The following ANKRD50 variants were observed in gnomAD, a reference collection of about 807,000 sequenced individuals.
The protein encoded by ANKRD50 is ankyrin repeat domain 50, also known as ankyrin repeat domain-containing protein 50.
Under a neutral mutation model 112.0 loss-of-function variants are expected in ANKRD50, and 40 were observed. The ratio of observed to expected loss-of-function variants is 0.36; its 90% CI spans 0.28 to 0.46. ANKRD50 has a LOEUF of 0.46. ANKRD50 is among the 20% of genes least tolerant of loss of function. The pLI, the probability that ANKRD50 is intolerant of heterozygous loss-of-function variation, is 1.00. For missense variants in ANKRD50, 1,487 were observed against 1,701.7 expected (o/e 0.87, Z 2.22); for synonymous variants, 613 against 619.1 (o/e 0.99, Z 0.15).
chr4:124,708,222 T>A (rs1725548500), intron 2 of ANKRD50, among the ~76,000 whole-genome samples: 1 of 152,166 alleles, frequency 6.6e-6, no homozygotes. Flanking sequence ...TATAGTTTTA[T>A]ATTAAAGACT....
At position 124,669,495 on chromosome 4, in the gene ANKRD50, C is replaced by T. The variant is rs1455450383; in HGVS notation, c.3782G>A (p.Ser1261Asn). The T allele has an allele frequency of 4.3e-6, 7 of 1,612,824 alleles. No individual in the cohort carries two copies. The highest frequency in any genetic ancestry group is 5.9e-6 in the Non-Finnish European group (7 of 1,179,660). The change falls in exon 4 of 5, where the codon AGT becomes AAT. Residue 1261 changes from serine to asparagine, a missense_variant. Ser to Asn is a conservative substitution (Grantham distance 46). Coordinates refer to ENST00000504087, the MANE Select transcript of ANKRD50 (RefSeq NM_020337.3). ...TTTACTTGCTTTAGTTGACTTCAAA[C>T]TGGGCTTTACTTGACTCCACTCAAA... Reference protein sequence around the residue: ...SEFEWSQVKPSLKSTKASKGG... With the variant: ...SEFEWSQVKPNLKSTKASKGG...
chr4:124,671,126 A>T lies in ANKRD50; in HGVS notation c.2151T>A (p.Ala717=), dbSNP rs1273166878. 6.2e-7 allele frequency: 1 copy of T among 1,613,870 alleles called. No homozygotes were observed. Among genetic ancestry groups the T allele is most frequent in the Non-Finnish European group, 8.5e-7 (1 of 1,179,864 alleles). ...CTTTACTTGCAGGCACACAAAGTGC[A>T]GCTACAGAGAGTGCAGTCCTGCCAT... is the stretch of plus-strand genomic sequence containing the variant. ...DVDGRTALSV[A]ALCVPASKGH... The change falls in exon 4 of 5, where the codon GCT becomes GCA. Residue 717 remains alanine, a synonymous_variant. Transcript: ENST00000504087.
chr4:124,669,567 G>C lies in ANKRD50; in HGVS notation c.3710C>G (p.Ser1237Cys). 6.2e-7 allele frequency: 1 copy of C among 1,613,272 alleles called. No individual in the cohort carries two copies. Among genetic ancestry groups the C allele is most frequent in the East Asian group, 2.2e-5 (1 of 44,846 alleles). ...ACTCTGTCCTAAGGACTGTGTTGTG[G>C]AAGATGGGGAAACAATTGACTGTCG... is the stretch of plus-strand genomic sequence containing the variant. ...RSRQSIVSPS[S>C]TTQSLGQSHN... The change falls in exon 4 of 5, where the codon TCC becomes TGC. Residue 1237 changes from serine (S) to cysteine (C), a missense_variant. By Grantham distance (112) the Ser-to-Cys change is moderately radical. This residue lies in a region of ANKRD50 where 441 missense variants were observed against 432.2 expected (regional missense o/e 1.02). Coordinates refer to ENST00000504087, the MANE Select transcript of ANKRD50 (RefSeq NM_020337.3).
chr4:124,695,131 G>A (rs1725225091), intron 2 of ANKRD50, among the ~76,000 whole-genome samples: 1 of 151,986 alleles, frequency 6.6e-6, no homozygotes, highest in Non-Finnish European at 1.5e-5. Context: ...AAATGTAGTA[G>A]GTGGCAGCAG....
At chr4:124,712,336 T>C (rs1056751465) in intron 1 of ANKRD50, 122 bp downstream of exon 1, 1 of 152,712 alleles carries the variant, frequency 6.5e-6, no homozygotes, top group African/African-American at 2.4e-5. Flanking sequence ...AGAGGGCAAA[T>C]CTGGGGCTCG....
At chr4:124,668,731 A>G (rs1730554707) in intron 4 of ANKRD50, among the ~76,000 whole-genome samples, 1 of 152,102 alleles carries the variant, frequency 6.6e-6, no homozygotes. Context: ...AGTTCAGAGG[A>G]GAAAAATAAT....
chr4:124,685,157 T>G (rs1230412157), intron 2 of ANKRD50, among the ~76,000 whole-genome samples: 1 of 152,210 alleles, frequency 6.6e-6, no homozygotes, highest in African/African-American at 2.4e-5. Context: ...GTGAAGCTCC[T>G]GCACACCTCC....
In ANKRD50 at chr4:124,707,825, A is replaced by G. The variant is rs2110529991; in HGVS notation, c.512+2175T>C. The stretch of plus-strand genomic sequence containing the variant: ...CAATTAGCTAATAACTGAGAATCAC[A>G]CAGGAAAAAGAAAAAATAAAAGAAA... On this transcript the variant is annotated intron_variant, in intron 2 of 4. Coordinates refer to ENST00000504087, the MANE Select transcript of ANKRD50 (RefSeq NM_020337.3). Among the ~76,000 whole-genome samples the G allele has an allele frequency of 1.3e-5, 2 of 152,266 alleles. 1 individual carries two copies. The highest frequency in any genetic ancestry group is 4.8e-5 in the African/African-American group (2 of 41,560).
chr4:124,694,067 G>C (rs958847354), intron 2 of ANKRD50, among the ~76,000 whole-genome samples: 2 of 151,984 alleles, frequency 1.3e-5, no homozygotes, highest in Non-Finnish European at 2.9e-5. Context: ...CTTTTCTTAG[G>C]AGCAAAATTA....
Position 124,710,483 on chromosome 4 carries a change from C to G in ANKRD50, c.29G>C (p.Cys10Ser). 2 of 1,613,094 alleles carry G rather than the reference C, an allele frequency of 1.2e-6. No homozygotes were observed. Among genetic ancestry groups the G allele is most frequent in the Non-Finnish European group, 8.5e-7 (1 of 1,179,864 alleles). Residue 10 changes from cysteine (C) to serine (S), a missense_variant, in exon 2 of 5, where the codon TGC (cysteine) becomes TCC (serine). By Grantham distance (112) the Cys-to-Ser change is moderately radical. Transcript: ENST00000504087. MTNPWEEKV[C>S]KMAQTSLLQG... ...CAGTAAACTGGTTTGAGCCATTTTG[C>G]AGACTTTCTCTTCCCAAGGATTAGT...
intron 2 of ANKRD50, among the ~76,000 whole-genome samples, chr4:124,689,045 C>T (rs1725071767): frequency 1.3e-5 from 2 of 152,130 alleles, no homozygotes; most frequent in Non-Finnish European, 2.9e-5. Context: ...TCTATGTATA[C>T]ACTCCTATAA....
At chr4:124,711,316 T>C (rs990339229) in intron 1 of ANKRD50, 42 bp from the exon 2 acceptor site, 1 of 152,246 alleles carries the variant, frequency 6.6e-6, no homozygotes, top group Non-Finnish European at 1.5e-5. Flanking sequence ...CAAAATATCA[T>C]ATGTTAAAAA....
chr4:124,698,061 AG>A (rs1352950986), intron 2 of ANKRD50, among the ~76,000 whole-genome samples: 1 of 152,224 alleles, frequency 6.6e-6, no homozygotes, highest in African/African-American at 2.4e-5. Flanking sequence ...GTTGAGTAGT[AG>A]TTGAAGAATG....
At chr4:124,696,451 T>C (rs535244631) in intron 2 of ANKRD50, among the ~76,000 whole-genome samples, 1 of 152,254 alleles carries the variant, frequency 6.6e-6, no homozygotes, top group South Asian at 2.1e-4. Context: ...GGCACTATAC[T>C]ATCTGAAGAA....
intron 2 of ANKRD50, among the ~76,000 whole-genome samples, chr4:124,703,351 G>A (rs1443603966): frequency 6.6e-6 from 1 of 152,160 alleles, no homozygotes; most frequent in Non-Finnish European, 1.5e-5. Flanking sequence ...TGGGGAAGAG[G>A]AAGGGAAACT....
In ANKRD50 at chr4:124,672,374, T is replaced by C; in HGVS notation, c.903A>G (p.Gly301=). The change falls in exon 4 of 5, where the codon GGA becomes GGG. Residue 301 remains glycine (G), a synonymous_variant. Coordinates refer to ENST00000504087, the MANE Select transcript of ANKRD50 (RefSeq NM_020337.3). The stretch of plus-strand genomic sequence containing the variant: ...AAACTCGTTCTAGGTAAAGAAAGCA[T>C]CCACTGCTTTTAATGTGCAGTTGAT... ...MLNQLHIKSS[G]CFLYLERVLD... is the part of the protein sequence containing the mutation. 1 of 1,613,264 alleles carries C rather than the reference T, an allele frequency of 6.2e-7. No homozygotes were observed.
At chr4:124,690,697 C>T (rs1202068708) in intron 2 of ANKRD50, among the ~76,000 whole-genome samples, 1 of 152,202 alleles carries the variant, frequency 6.6e-6, no homozygotes, top group East Asian at 1.9e-4. Flanking sequence ...CATCTCCCCA[C>T]TCTTGGGATG....
intron 3 of ANKRD50, among the ~76,000 whole-genome samples, chr4:124,676,376 G>A (rs113583105): frequency 1.3e-5 from 2 of 151,618 alleles, no homozygotes; most frequent in African/African-American, 4.8e-5. Context: ...ATGGCAAAGA[G>A]GGCTGGGAAG....
chr4:124,679,302 C>G (rs1724818460), intron 2 of ANKRD50, among the ~76,000 whole-genome samples: 1 of 152,082 alleles, frequency 6.6e-6, no homozygotes, highest in African/African-American at 2.4e-5. Context: ...TGGGGATCAC[C>G]TTAATAAAAA....
Sources: allele counts gnomAD v4.1 joint callset (sites outside exome capture counted in the v4.1 genomes callset), GRCh38; gene constraint gnomAD v4.1.1; regional missense constraint gnomAD v4.1.1; transcripts MANE v1.5; gene names NCBI Gene and HGNC (gene_info 2026-07-23, HGNC 2026-07-21).